PPEF1: variants seen among roughly 807,000 people sequenced by gnomAD.
The protein encoded by PPEF1 is serine/threonine-protein phosphatase with EF-hands 1.
PPEF1 carries 12 observed loss-of-function variants against 53.3 expected under a neutral mutation model. The observed-to-expected ratio is 0.23, with a 90% CI of 0.14 to 0.36. PPEF1 has a LOEUF of 0.36. Among genes scored for constraint, PPEF1 ranks in the 10% least tolerant of loss-of-function variants. The pLI, the probability that PPEF1 is intolerant of heterozygous loss-of-function variation, is 1.00. For missense variants in PPEF1, 334 were observed against 490.4 expected (o/e 0.68, Z 3.01); for synonymous variants, 165 against 176.7 (o/e 0.93, Z 0.52).
chrX:18,757,913 C>G (rs1308638370), intron 5 of PPEF1, among the ~76,000 whole-genome samples, 172 bp downstream of exon 5: 1 of 112,127 alleles, frequency 8.9e-6, no homozygotes, highest in African/African-American at 3.2e-5. Context: ...TGCATACCAG[C>G]TGGCAGGAAT....
chrX:18,736,042 G>A (rs1401370984), intron 3 of PPEF1, among the ~76,000 whole-genome samples: 1 of 111,658 alleles, frequency 9.0e-6, no homozygotes, highest in African/African-American at 3.3e-5. Flanking sequence ...AGACAATGGG[G>A]TTTTCTAAAT....
chrX:18,776,711 G>A (rs889491358), intron 6 of PPEF1, among the ~76,000 whole-genome samples: 38 of 111,144 alleles, frequency 3.4e-4, no homozygotes, highest in Middle Eastern at 4.7e-3. Context: ...ACCTGAGGTT[G>A]GGAGTTCAAG....
upstream of PPEF1, among the ~76,000 whole-genome samples, chrX:18,675,541 C>CA (rs768739524): frequency 8.8e-6 from 1 of 113,002 alleles, no homozygotes; most frequent in African/African-American, 3.2e-5. Flanking sequence ...CTCCCGAGGA[C>CA]AGGCCTAGGG....
upstream of PPEF1, among the ~76,000 whole-genome samples, chrX:18,706,565 C>T (rs1260758598): frequency 1.8e-5 from 2 of 109,687 alleles, no homozygotes; most frequent in Non-Finnish European, 3.8e-5. Flanking sequence ...GCCAACACAG[C>T]AAAACCCCGT....
At chrX:18,733,653 C>A in intron 2 of PPEF1, 95 bp from the exon 3 acceptor site, 1 of 710,346 alleles carries the variant, frequency 1.4e-6, no homozygotes, top group Non-Finnish European at 2.1e-6. Flanking sequence ...AAATGCCCCA[C>A]AAGAGTAAGG....
At chrX:18,701,627 T>C (rs779045959) in intron 6 of PPEF1, among the ~76,000 whole-genome samples, 1 of 112,263 alleles carries the variant, frequency 8.9e-6, no homozygotes, top group South Asian at 3.7e-4. Context: ...CTTGAGATGC[T>C]TTACTTCAAA....
rs2045266561 is a variant in PPEF1, at chrX:18,744,042, C to T, written c.236-5750C>T. ...AGTAGCTGGGATTACAGGCATGCAC[C>T]ACCATGCCTGGCTAATTTTGTATTT... On this transcript the variant is annotated intron_variant, in intron 3 of 15. Coordinates refer to ENST00000470157, the MANE Select transcript of PPEF1 (RefSeq NM_001377996.1). Among the ~76,000 whole-genome samples, 4 of 110,074 alleles carry T rather than the reference C, an allele frequency of 3.6e-5. No homozygotes were observed. The Middle Eastern group carries it at 0.014, about 386-fold the overall frequency.
chrX:18,793,711 G>A (rs1487109503), intron 10 of PPEF1, among the ~76,000 whole-genome samples: 4 of 77,959 alleles, frequency 5.1e-5, no homozygotes, highest in Non-Finnish European at 6.9e-5. Flanking sequence ...CCCCGCCCGT[G>A]TATGAGTCAT....
At chrX:18,707,859 T>G in intron 1 of PPEF1, 33 bp downstream of exon 1, 1 of 1,168,309 alleles carries the variant, frequency 8.6e-7, no homozygotes, top group East Asian at 3.0e-5. Context: ...TGGTTATGAA[T>G]GAAAAGGGGA....
chrX:18,720,587 G>A (rs769929536), intron 1 of PPEF1, among the ~76,000 whole-genome samples: 16 of 109,282 alleles, frequency 1.5e-4, no homozygotes, highest in African/African-American at 4.7e-4. Context: ...GTGAGACTCC[G>A]TCTCAAAAAA....
intron 2 of PPEF1, among the ~76,000 whole-genome samples, chrX:18,733,067 A>G (rs920771000): frequency 1.1e-4 from 12 of 111,213 alleles, no homozygotes; most frequent in African/African-American, 3.9e-4. Flanking sequence ...TTAGCTGGAC[A>G]TGGTGGCGAG....
At chrX:18,753,815 T>C (rs2045491328) in intron 4 of PPEF1, among the ~76,000 whole-genome samples, 1 of 111,941 alleles carries the variant, frequency 8.9e-6, no homozygotes, top group Non-Finnish European at 1.9e-5. Flanking sequence ...AGAAGATACT[T>C]TGCATGATTT....
At chrX:18,773,000 T>C (rs1300718755) in intron 6 of PPEF1, among the ~76,000 whole-genome samples, 2 of 112,942 alleles carry the variant, frequency 1.8e-5, no homozygotes, top group African/African-American at 6.4e-5. Flanking sequence ...CAGTGTCTTT[T>C]ATGACTTAGT....
chrX:18,783,111 CAAAA>C (rs139197097), intron 8 of PPEF1, among the ~76,000 whole-genome samples: 1 of 59,135 alleles, frequency 1.7e-5, no homozygotes, highest in Non-Finnish European at 3.1e-5. Flanking sequence ...GACTCCATCT[CAAAA>C]AAAAAAAAAA....
chrX:18,677,029 C>G (rs1252193158), intron 1 of PPEF1, among the ~76,000 whole-genome samples: 1 of 105,112 alleles, frequency 9.5e-6, no homozygotes, highest in Non-Finnish European at 1.9e-5. Flanking sequence ...AAGGTGTCAT[C>G]ACAATCTTTT....
intron 9 of PPEF1, among the ~76,000 whole-genome samples, chrX:18,787,121 A>T (rs181359730): frequency 1.8e-4 from 20 of 112,166 alleles, no homozygotes; most frequent in Admixed American, 1.6e-3. Flanking sequence ...TGTAGTGAAA[A>T]TGATAGGTTC....
At chrX:18,735,870 A>G (rs1366198182) in intron 3 of PPEF1, among the ~76,000 whole-genome samples, 1 of 111,298 alleles carries the variant, frequency 9.0e-6, no homozygotes, top group Admixed American at 9.6e-5. Flanking sequence ...ATTCCTACGT[A>G]TTTTATTCTC....
chrX:18,825,627 T>C lies in PPEF1; in HGVS notation c.1666-124T>C, dbSNP rs990460024. ...GGCCTCCAAGGGAAGTCTGGCCTTC[T>C]CAGATTTCTGTCTAAATCACATCAT... On this transcript the variant is annotated intron_variant, in intron 14 of 15. Coordinates refer to ENST00000470157, the MANE Select transcript of PPEF1 (RefSeq NM_001377996.1). The C allele has an allele frequency of 5.7e-5, 24 of 423,927 alleles. No homozygotes were observed. In the Admixed American group the frequency reaches 1.2e-3, roughly 22 times the overall value. The allele number at this position is 423,927 out of a possible 1,213,427, so 34.9% of individuals were successfully genotyped here. A position where few individuals can be genotyped will look rare whatever the true frequency, so the allele number is the denominator to read the frequency against.
chrX:18,795,084 C>G (rs1245089492), intron 10 of PPEF1, among the ~76,000 whole-genome samples: 1 of 110,942 alleles, frequency 9.0e-6, no homozygotes, highest in South Asian at 3.8e-4. Flanking sequence ...CTGAGGTGGG[C>G]GGATTGCTTG....
Sources: allele counts gnomAD v4.1 joint callset (sites outside exome capture counted in the v4.1 genomes callset), GRCh38; gene constraint gnomAD v4.1.1; transcripts MANE v1.5; gene names NCBI Gene and HGNC (gene_info 2026-07-23, HGNC 2026-07-21).